SLC2A14: variants seen among roughly 807,000 people sequenced by gnomAD.
SLC2A14 encodes solute carrier family 2, facilitated glucose transporter member 14.
A neutral mutation model predicts 43.0 loss-of-function variants in SLC2A14; 13 were observed. That is an observed-to-expected ratio of 0.30 (90% CI 0.20 to 0.48). SLC2A14 has a LOEUF of 0.48. SLC2A14 is among the 20% of genes least tolerant of loss of function. SLC2A14 has a pLI of 0.99. For synonymous variants in SLC2A14, 190 were observed against 233.8 expected, an observed-to-expected ratio of 0.81 and a Z score of 1.71; for missense variants, 428 against 620.4, an observed-to-expected ratio of 0.69 and a Z score of 3.29.
At chr12:7,870,499 T>C (rs1331960485) in intron 1 of SLC2A14, among the ~76,000 whole-genome samples, 1 of 152,136 alleles carries the variant, frequency 6.6e-6, no homozygotes, top group Non-Finnish European at 1.5e-5. Context: ...CTTGGACTGA[T>C]AGTTCTGAAG....
chr12:7,815,462 T>G (rs1863354808), intron 10 of SLC2A14, among the ~76,000 whole-genome samples: 1 of 152,188 alleles, frequency 6.6e-6, no homozygotes, highest in Non-Finnish European at 1.5e-5. Context: ...CCCATTTCAA[T>G]CTTTTCTGCC....
intron 2 of SLC2A14, among the ~76,000 whole-genome samples, chr12:7,864,309 T>C (rs1944788398): frequency 6.6e-6 from 1 of 152,082 alleles, no homozygotes; most frequent in African/African-American, 2.4e-5. Context: ...ATTTTTCCTC[T>C]TGTGGTTTGA....
At chr12:7,841,470 A>G (rs1349593364) in intron 2 of SLC2A14, among the ~76,000 whole-genome samples, 1 of 152,100 alleles carries the variant, frequency 6.6e-6, no homozygotes, top group Admixed American at 6.6e-5. Flanking sequence ...CATGTTGGCC[A>G]GGCTGGTGTT....
chr12:7,817,763 G>T, intron 10 of SLC2A14, 68 bp downstream of exon 10: 3 of 1,486,042 alleles, frequency 2.0e-6, no homozygotes, highest in Non-Finnish European at 2.8e-6. Context: ...TAGATAGATA[G>T]ATAGATAGAT....
intron 2 of SLC2A14, among the ~76,000 whole-genome samples, chr12:7,842,970 C>T (rs184020856): frequency 3.7e-4 from 56 of 152,106 alleles, no homozygotes; most frequent in Admixed American, 1.0e-3. Context: ...TCAGGTGATC[C>T]GCCCGCCTCA....
intron 2 of SLC2A14, among the ~76,000 whole-genome samples, chr12:7,838,035 G>A (rs1246973920): frequency 6.6e-6 from 1 of 151,848 alleles, no homozygotes; most frequent in East Asian, 1.9e-4. Context: ...TGGGATTATA[G>A]GTGTGAGCCA....
At chr12:7,836,903 T>C (rs1865506290) in intron 2 of SLC2A14, among the ~76,000 whole-genome samples, 1 of 151,752 alleles carries the variant, frequency 6.6e-6, no homozygotes, top group Non-Finnish European at 1.5e-5. Context: ...GCACCGTGGC[T>C]CATGCCTATA....
At chr12:7,851,542 A>G (rs1866939407) in intron 2 of SLC2A14, among the ~76,000 whole-genome samples, 1 of 152,168 alleles carries the variant, frequency 6.6e-6, no homozygotes, top group Non-Finnish European at 1.5e-5. Context: ...CTAGCTCTAA[A>G]TATAAAAGCA....
intron 1 of SLC2A14, among the ~76,000 whole-genome samples, chr12:7,879,336 A>AAC (rs1945526553): frequency 1.3e-5 from 2 of 149,768 alleles, no homozygotes; most frequent in South Asian, 4.2e-4. Flanking sequence ...ACAACAAAAA[A>AAC]AAACAAAAGT....
chr12:7,838,384 T>C (rs907356159), intron 2 of SLC2A14, among the ~76,000 whole-genome samples: 1 of 151,990 alleles, frequency 6.6e-6, no homozygotes, highest in Admixed American at 6.6e-5. Flanking sequence ...ACGTGCCCGG[T>C]CCACAATTTT....
At chr12:7,831,878 G>A in intron 3 of SLC2A14, 114 bp from the exon 4 acceptor site, 1 of 1,345,312 alleles carries the variant, frequency 7.4e-7, no homozygotes, top group South Asian at 1.3e-5. Flanking sequence ...GAAGGCCGAG[G>A]CGGGTGGATC....
chr12:7,827,010 T>C (rs1367257644), intron 7 of SLC2A14, among the ~76,000 whole-genome samples: 1 of 139,250 alleles, frequency 7.2e-6, no homozygotes, highest in East Asian at 2.3e-4. Context: ...CCTTTCTCTC[T>C]CTCTCTTTCT....
At chr12:7,815,569 A>AGTTTT (rs1246889770) in intron 10 of SLC2A14, among the ~76,000 whole-genome samples, 17 of 151,926 alleles carry the variant, frequency 1.1e-4, no homozygotes, top group Non-Finnish European at 2.1e-4. Flanking sequence ...CCAGTTATCC[A>AGTTTT]GTTTTGTTTT....
At chr12:7,863,495 T>C (rs1944723139) in intron 2 of SLC2A14, 1 of 437,338 alleles carries the variant, frequency 2.3e-6, no homozygotes, top group Non-Finnish European at 4.6e-6. Flanking sequence ...GGTGTGCTGG[T>C]GCATGCCTGT....
chr12:7,878,847 C>T (rs1426565683), intron 1 of SLC2A14, among the ~76,000 whole-genome samples: 1 of 151,356 alleles, frequency 6.6e-6, no homozygotes, highest in Non-Finnish European at 1.5e-5. Context: ...CATGCTGGCA[C>T]CTGCCTGTAA....
upstream of SLC2A14, among the ~76,000 whole-genome samples, chr12:7,875,130 T>TGTATTTAA (rs1945434346): frequency 1.5e-5 from 2 of 137,526 alleles, no homozygotes; most frequent in African/African-American, 2.7e-5. Flanking sequence ...AATAGTTAAA[T>TGTATTTAA]ATATTTAAAT....
chr12:7,861,066 A>G (rs563254537), intron 2 of SLC2A14, among the ~76,000 whole-genome samples: 2 of 152,162 alleles, frequency 1.3e-5, no homozygotes, highest in African/African-American at 2.4e-5. Context: ...TGCTGGGATT[A>G]CAGGCGTGAG....
chr12:7,827,343 T>A, intron 7 of SLC2A14, 152 bp downstream of exon 7: 1 of 915,138 alleles, frequency 1.1e-6, no homozygotes, highest in Non-Finnish European at 1.5e-6. Context: ...TGGCGCAATC[T>A]CAGCTCACTG....
intron 1 of SLC2A14, 29 bp from the exon 2 acceptor site, chr12:7,869,966 T>C: frequency 7.1e-7 from 1 of 1,415,538 alleles, no homozygotes; most frequent in Non-Finnish European, 9.6e-7. Flanking sequence ...TAGTTATTCA[T>C]TTACTCCATC....
Sources: allele counts gnomAD v4.1 joint callset (sites outside exome capture counted in the v4.1 genomes callset), GRCh38; gene constraint gnomAD v4.1.1; transcripts MANE v1.5; gene names NCBI Gene and HGNC (gene_info 2026-07-23, HGNC 2026-07-21).